FAT1: variants seen among roughly 807,000 people sequenced by gnomAD.
FAT1 encodes FAT atypical cadherin 1, also known as protocadherin Fat 1.
A neutral mutation model predicts 329.8 loss-of-function variants in FAT1; 171 were observed. The observed-to-expected ratio is 0.52, with a 90% confidence interval of 0.46 to 0.59. The LOEUF (loss-of-function observed/expected upper bound fraction) is 0.59, where lower values mean the gene tolerates loss of function less well. Ranked by LOEUF, FAT1 falls within the 20% of genes least tolerant of loss-of-function variation. The pLI is 0.00. For missense variants in FAT1, 5,672 were observed against 5,774.4 expected (o/e 0.98, Z 0.57); for synonymous variants, 2,233 against 2,228.6 (o/e 1.00, Z -0.06).
chr4:186,605,697 G>A (rs1739097235), intron 17 of FAT1, among the ~76,000 whole-genome samples: 1 of 150,352 alleles, frequency 6.7e-6, no homozygotes, highest in East Asian at 2.0e-4. Flanking sequence ...GTGGGGTGAA[G>A]AAAGTGGAGT....
intron 3 of FAT1, among the ~76,000 whole-genome samples, chr4:186,643,682 G>A (rs1453750845): frequency 6.6e-6 from 1 of 152,076 alleles, no homozygotes; most frequent in African/African-American, 2.4e-5. Flanking sequence ...ACACCCCGGG[G>A]AACGCTACCC....
rs374517098 is a variant in FAT1, at chr4:186,708,192, G to A, written c.1636C>T (p.Pro546Ser). ...AGGACTTCGACTTCCCGGCGGTACG[G>A]CAAGCCCCAGTCTGATGCACGAATC... ...LRIRASDWGL[P>S]YRREVEVLAT... The change falls in exon 2 of 27, where the codon CCG becomes TCG. Residue 546 changes from proline to serine, a missense_variant. This residue lies in a region of FAT1 where 3,966 missense variants were observed against 3,915.2 expected (regional missense o/e 1.01). Transcript: ENST00000441802. 92 of 1,613,840 alleles carry A rather than the reference G, an allele frequency of 5.7e-5. No individual in the cohort carries two copies. In the African/African-American group the frequency reaches 6.0e-4, roughly 11 times the overall value.
chr4:186,667,424 T>C (rs893902030), intron 2 of FAT1, among the ~76,000 whole-genome samples: 2 of 152,240 alleles, frequency 1.3e-5, no homozygotes, highest in Non-Finnish European at 2.9e-5. Flanking sequence ...ATTAAAATAG[T>C]AAGTATGAAT....
At position 186,707,945 on chromosome 4, in the gene FAT1, C is replaced by T. The variant is rs377259095; in HGVS notation, c.1883G>A (p.Arg628Gln). 9.9e-6 allele frequency: 16 copies of T among 1,613,982 alleles called. No homozygotes were observed. Among genetic ancestry groups the T allele is most frequent in the Admixed American group, 5.0e-5 (3 of 60,024 alleles). The change falls in exon 2 of 27, where the codon CGA (arginine) becomes CAA (glutamine). Residue 628 changes from arginine to glutamine, a missense_variant. By Grantham distance (43) the Arg-to-Gln change is conservative. Transcript: ENST00000441802. ...TGCACCTAAGCCATCCATTAGCGAT[C>T]GCTTTAATGACAATACCCCCGAGTT... is the stretch of plus-strand genomic sequence containing the variant. ...NPNSGVLSLKRSLMDGLGAKV... is the reference protein window; with the variant it reads ...NPNSGVLSLKQSLMDGLGAKV...
chr4:186,608,972 G>A (rs1391696069), intron 16 of FAT1, among the ~76,000 whole-genome samples: 1 of 152,162 alleles, frequency 6.6e-6, no homozygotes, highest in Non-Finnish European at 1.5e-5. Flanking sequence ...TGAATGCAAA[G>A]CTTTATTATC....
Position 186,616,389 on chromosome 4 carries a change from T to C in FAT1, c.9075+616A>G, listed in dbSNP as rs531802755. Among the ~76,000 whole-genome samples, 4 of 152,062 alleles carry C rather than the reference T, an allele frequency of 2.6e-5. No homozygotes were observed. In the East Asian group the frequency reaches 5.8e-4, roughly 22 times the overall value. On this transcript the variant is annotated intron_variant, in intron 11 of 26. Coordinates refer to ENST00000441802, the MANE Select transcript of FAT1 (RefSeq NM_005245.4). Reference sequence around the variant, plus strand: ...TCCCACAATCCCTCCTCACACTCCATGGCCCCTCCCCACCCACTCCTGACG... The same window carrying C: ...TCCCACAATCCCTCCTCACACTCCACGGCCCCTCCCCACCCACTCCTGACG...
At position 186,603,623 on chromosome 4, in the gene FAT1, T is replaced by C. The variant is rs779688030; in HGVS notation, c.10903A>G (p.Thr3635Ala). 24 of 1,613,922 alleles carry C rather than the reference T, an allele frequency of 1.5e-5. No individual in the cohort carries two copies. The highest frequency in any genetic ancestry group is 8.3e-5 in the Admixed American group (5 of 60,004). Residue 3635 changes from threonine (T) to alanine (A), a missense_variant, in exon 19 of 27, where the codon ACA becomes GCA. Thr to Ala is a moderately conservative substitution (Grantham distance 58). Coordinates refer to ENST00000441802, the MANE Select transcript of FAT1 (RefSeq NM_005245.4). ...ADITVHIRQV[T>A]QEMLNHTIAI... ...ATGGTGTGGTTCAACATCTCCTGTG[T>C]GACTTGTCTGATATGCACTGTGATG...
chr4:186,603,595 G>A lies in FAT1; in HGVS notation c.10931C>T (p.Ala3644Val), dbSNP rs372461501. ...CGGAGTGAGGTTGGCAAAGCGGATC[G>A]CGATGGTGTGGTTCAACATCTCCTG... ...VTQEMLNHTI[A>V]IRFANLTPEE... The change falls in exon 19 of 27, where the codon GCG (alanine) becomes GTG (valine). Residue 3644 changes from alanine (A) to valine (V), a missense_variant. By Grantham distance (64) the Ala-to-Val change is moderately conservative. Around this residue, in one of 2 missense-constraint regions of FAT1, gnomAD observed 1,706 missense variants for 1,859.1 expected, o/e 0.92. Coordinates refer to ENST00000441802, the MANE Select transcript of FAT1 (RefSeq NM_005245.4). 2.3e-5 allele frequency: 37 copies of A among 1,613,982 alleles called. No individual in the cohort carries two copies. The East Asian group carries it at 3.1e-4, about 14-fold the overall frequency.
Position 186,596,410 on chromosome 4 carries a change from T to C in FAT1, c.13000+130A>G. 1 of 1,061,210 alleles carries C rather than the reference T, an allele frequency of 9.4e-7. No homozygotes were observed. The highest frequency in any genetic ancestry group is 1.3e-6 in the Non-Finnish European group (1 of 751,300). 65.7% of individuals were successfully genotyped at this position (1,061,210 alleles called of 1,614,324 possible). Reference sequence around the variant, plus strand: ...TCGGGACATCCAAAAAAGTTTCAAATCATCATACGGATTTCAGTCTGAGCA... The same window carrying C: ...TCGGGACATCCAAAAAAGTTTCAAACCATCATACGGATTTCAGTCTGAGCA... On this transcript the variant is annotated intron_variant, in intron 25 of 26. Transcript: ENST00000441802. This position sits in a 1 kb window ranked among gnomAD's most constrained non-coding sequence, Gnocchi z 4.7.
intron 3 of FAT1, among the ~76,000 whole-genome samples, chr4:186,660,711 A>C (rs1174014155): frequency 6.6e-6 from 1 of 152,198 alleles, no homozygotes; most frequent in Non-Finnish European, 1.5e-5. Context: ...TTTTCTTTAG[A>C]GTTGTCAGAA....
In FAT1 at chr4:186,708,875, T is replaced by C. The variant is rs1744793307; in HGVS notation, c.953A>G (p.Lys318Arg). The change falls in exon 2 of 27, where the codon AAA becomes AGA. Residue 318 changes from lysine (K) to arginine (R), a missense_variant. Lys to Arg is a conservative substitution (Grantham distance 26, BLOSUM62 2). Around this residue, in one of 2 missense-constraint regions of FAT1, gnomAD observed 3,966 missense variants for 3,915.2 expected, o/e 1.01. Transcript: ENST00000441802. ...GTCCCAATCAATGCCACCGATGGCT[T>C]TGACTTTATACTCCTTACTCCCTGG... Reference protein sequence around the residue: ...SFPGSKEYKVKAIGGIDWDSH... With the variant: ...SFPGSKEYKVRAIGGIDWDSH... 2 of 1,613,976 alleles carry C rather than the reference T, an allele frequency of 1.2e-6. No homozygotes were observed. The highest frequency in any genetic ancestry group is 1.7e-6 in the Non-Finnish European group (2 of 1,179,896).
At chr4:186,660,061 T>C (rs956565857) in intron 3 of FAT1, among the ~76,000 whole-genome samples, 1 of 152,240 alleles carries the variant, frequency 6.6e-6, no homozygotes, top group Non-Finnish European at 1.5e-5. Flanking sequence ...GGCCTCACTA[T>C]GGTCCGGATC....
chr4:186,652,644 A>T (rs1477515443), intron 3 of FAT1, among the ~76,000 whole-genome samples: 1 of 152,110 alleles, frequency 6.6e-6, no homozygotes, highest in African/African-American at 2.4e-5. Context: ...ATTTTTTTTT[A>T]AATGAATTCC....
At chr4:186,612,393 C>G (rs1739491159) in intron 13 of FAT1, among the ~76,000 whole-genome samples, 1 of 152,088 alleles carries the variant, frequency 6.6e-6, no homozygotes, top group African/African-American at 2.4e-5. Context: ...TCTTCTGAAA[C>G]TTCTCAGAAT....
intron 2 of FAT1, among the ~76,000 whole-genome samples, chr4:186,695,643 T>C (rs1385323467): frequency 1.3e-5 from 2 of 152,174 alleles, no homozygotes; most frequent in Non-Finnish European, 2.9e-5. Flanking sequence ...AGTTCCTAAG[T>C]AAGTGATACA....
At chr4:186,598,214 C>G (rs953287921) in intron 22 of FAT1, 89 bp from the exon 23 acceptor site, 1 of 1,266,734 alleles carries the variant, frequency 7.9e-7, no homozygotes, top group Non-Finnish European at 1.1e-6. Context: ...CTTTATTCTC[C>G]GAGGTCTGTA....
chr4:186,601,107 C>T (rs961829936), intron 21 of FAT1, among the ~76,000 whole-genome samples, 162 bp downstream of exon 21: 2 of 152,180 alleles, frequency 1.3e-5, no homozygotes, highest in East Asian at 1.9e-4. Flanking sequence ...GCTCTTCATC[C>T]CACAAAGTCT....
At chr4:186,605,774 G>T (rs796466542) in intron 17 of FAT1, among the ~76,000 whole-genome samples, 41 of 150,658 alleles carry the variant, frequency 2.7e-4, no homozygotes, top group African/African-American at 9.0e-4. Context: ...GAAGGTCAAG[G>T]GGGGAGGAGA....
intron 2 of FAT1, among the ~76,000 whole-genome samples, chr4:186,686,492 C>T (rs576407958): frequency 4.6e-5 from 7 of 152,166 alleles, no homozygotes; most frequent in Non-Finnish European, 8.8e-5. Context: ...ACATCTGGGC[C>T]TGCTCTGTTG....
Sources: gnomAD v4.1 joint callset for allele counts (sites outside exome capture counted in the v4.1 genomes callset) on GRCh38, gnomAD v4.1.1 for gene constraint, gnomAD v4.1.1 regional missense constraint, Gnocchi (gnomAD v3.1) non-coding constraint, MANE v1.5 for transcripts, NCBI Gene and HGNC (gene_info 2026-07-23, HGNC 2026-07-21) for gene names.